Variants in ADAM10 observed in about 807,000 individuals in gnomAD.
ADAM10 encodes disintegrin and metalloproteinase domain-containing protein 10.
ADAM10 carries 17 observed loss-of-function variants against 90.1 expected under a neutral mutation model. The observed-to-expected ratio is 0.19, with a 90% CI of 0.13 to 0.28. The LOEUF is 0.28. Ranked by LOEUF, ADAM10 falls within the 10% of genes least tolerant of loss-of-function variation. The pLI is 1.00. For synonymous variants in ADAM10, 310 were observed against 298.6 expected (o/e 1.04, Z -0.40); for missense variants, 610 against 914.3 (o/e 0.67, Z 4.29).
chr15:58,641,985 T>A (rs1164001516), intron 7 of ADAM10, among the ~76,000 whole-genome samples: 1 of 152,192 alleles, frequency 6.6e-6, no homozygotes, highest in Non-Finnish European at 1.5e-5. Context: ...TTTCAGAACA[T>A]CTGGTTTATC....
At chr15:58,663,105 T>G (rs753445400) in intron 5 of ADAM10, among the ~76,000 whole-genome samples, 1 of 152,264 alleles carries the variant, frequency 6.6e-6, no homozygotes, top group South Asian at 2.1e-4. Context: ...GAAAGCCTAG[T>G]TAGATATCAG....
At chr15:58,612,686 G>A (rs991894235) in intron 11 of ADAM10, among the ~76,000 whole-genome samples, 67 of 152,068 alleles carry the variant, frequency 4.4e-4, no homozygotes, top group African/African-American at 1.6e-3. Flanking sequence ...CTCAGGCTCC[G>A]AAATTACTGC....
intron 1 of ADAM10, among the ~76,000 whole-genome samples, chr15:58,730,003 C>A (rs5812947): frequency 0.22 from 23,208 of 105,298 alleles, 2,622 homozygotes; most frequent in East Asian, 0.53. Flanking sequence ...AACAAACAAA[C>A]AAAAAAAAAA....
chr15:58,727,785 C>T (rs1899090030), intron 1 of ADAM10, among the ~76,000 whole-genome samples: 1 of 150,996 alleles, frequency 6.6e-6, no homozygotes, highest in South Asian at 2.1e-4. Flanking sequence ...AAACAAACTT[C>T]AAAACAAAAC....
At chr15:58,691,174 C>T (rs765014665) in intron 2 of ADAM10, 1 of 716,490 alleles carries the variant, frequency 1.4e-6, no homozygotes, top group South Asian at 1.4e-5. Context: ...ACCCGCTCAA[C>T]CTTCTTATCT....
chr15:58,731,941 T>C (rs1003993036), intron 1 of ADAM10, among the ~76,000 whole-genome samples: 2 of 152,276 alleles, frequency 1.3e-5, no homozygotes, highest in Admixed American at 1.3e-4. Flanking sequence ...TGGTTCACTG[T>C]AACCTAGACC....
At chr15:58,604,601 T>C (rs1209462435) in intron 14 of ADAM10, among the ~76,000 whole-genome samples, 1 of 152,224 alleles carries the variant, frequency 6.6e-6, no homozygotes, top group African/African-American at 2.4e-5. Context: ...ATTTAAATAT[T>C]GACCTTGAAA....
At chr15:58,611,473 TG>T (rs1431488843) in intron 12 of ADAM10, 3 of 328,586 alleles carry the variant, frequency 9.1e-6, no homozygotes, top group African/African-American at 6.5e-5. Context: ...ACAAAAGCTT[TG>T]AAGGTTTGAT....
intron 1 of ADAM10, chr15:58,749,103 G>A: frequency 2.5e-6 from 1 of 398,096 alleles, no homozygotes; most frequent in African/African-American, 2.1e-5. Context: ...CCTCGCTGCG[G>A]CTGCCTGCAC....
intron 4 of ADAM10, among the ~76,000 whole-genome samples, chr15:58,665,714 T>C (rs147661881): frequency 4.6e-5 from 7 of 152,190 alleles, no homozygotes; most frequent in African/African-American, 1.4e-4. Context: ...ACTATTCTCA[T>C]AGTAGCTCAG....
At chr15:58,734,177 T>C (rs1374481416) in intron 1 of ADAM10, among the ~76,000 whole-genome samples, 4 of 152,294 alleles carry the variant, frequency 2.6e-5, no homozygotes, top group Middle Eastern at 6.8e-3. Context: ...CAATTTCTTG[T>C]TTAACTAAAT....
intron 11 of ADAM10, among the ~76,000 whole-genome samples, chr15:58,613,708 T>A (rs1895517453): frequency 6.6e-6 from 1 of 151,812 alleles, no homozygotes; most frequent in African/African-American, 2.4e-5. Context: ...AAAGAAAATC[T>A]CTGAACTTCA....
chr15:58,726,987 TA>T (rs1233463058), intron 1 of ADAM10, among the ~76,000 whole-genome samples: 25 of 151,468 alleles, frequency 1.7e-4, no homozygotes, highest in Admixed American at 7.9e-4. Context: ...ACATAACAAT[TA>T]AAAGGCAAAA....
chr15:58,722,353 A>T (rs1898883383), intron 1 of ADAM10, among the ~76,000 whole-genome samples: 1 of 151,834 alleles, frequency 6.6e-6, no homozygotes, highest in Admixed American at 6.6e-5. Flanking sequence ...AAAAAATAAT[A>T]ATAAGTAAAA....
rs1363148443 is a variant in ADAM10 at position 58,627,994 on chromosome 15, C to A, written c.1177-111G>T. ...AAAACAATGGAAGCTTGTGGACTCT[C>A]CTTTAAAAAGGATCTTACAATTGTT... On this transcript the variant is annotated intron_variant, in intron 9 of 15. Coordinates refer to ENST00000260408, the MANE Select transcript of ADAM10 (RefSeq NM_001110.4). 3.3e-5 allele frequency: 36 copies of A among 1,081,838 alleles called. No individual in the cohort carries two copies. In the East Asian group the frequency reaches 8.9e-4, roughly 27 times the overall value. The allele number at this position is 1,081,838 out of a possible 1,614,324, so 67.0% of individuals were successfully genotyped here. A position where few individuals can be genotyped will look rare whatever the true frequency, so the allele number is the denominator to read the frequency against.
intron 14 of ADAM10, among the ~76,000 whole-genome samples, chr15:58,607,448 A>T (rs1404646217): frequency 6.6e-6 from 1 of 152,254 alleles, no homozygotes; most frequent in East Asian, 1.9e-4. Context: ...GTCTTCTCAC[A>T]AATCTCCAAG....
At chr15:58,655,696 G>GTATATATATATAGTATATATATA (rs1896796207) in intron 5 of ADAM10, among the ~76,000 whole-genome samples, 3 of 68,260 alleles carry the variant, frequency 4.4e-5, no homozygotes, top group African/African-American at 7.9e-5. Context: ...ATTATATATA[G>GTATATATATATAGTATATATATA]TATATATATA....
chr15:58,689,450 C>A (rs1897713266), intron 2 of ADAM10, among the ~76,000 whole-genome samples: 1 of 152,122 alleles, frequency 6.6e-6, no homozygotes, highest in South Asian at 2.1e-4. Context: ...CATGCCACTG[C>A]ACTCCAACGT....
intron 11 of ADAM10, among the ~76,000 whole-genome samples, chr15:58,619,573 T>TA (rs1895719388): frequency 6.6e-6 from 1 of 152,214 alleles, no homozygotes; most frequent in African/African-American, 2.4e-5. Flanking sequence ...ATATCACATA[T>TA]ACCTCATAAA....
Sources: gnomAD v4.1 joint callset for allele counts (sites outside exome capture counted in the v4.1 genomes callset) on GRCh38, gnomAD v4.1.1 for gene constraint, MANE v1.5 for transcripts, NCBI Gene and HGNC (gene_info 2026-07-23, HGNC 2026-07-21) for gene names.